PRKN: variants seen among roughly 807,000 people sequenced by gnomAD.
PRKN encodes parkin RBR E3 ubiquitin protein ligase.
Under a neutral mutation model 59.5 loss-of-function variants are expected in PRKN, and 56 were observed. The observed-to-expected ratio is 0.94, with a 90% CI of 0.76 to 1.18. The LOEUF (loss-of-function observed/expected upper bound fraction) is 1.18. PRKN is among the 50% of genes most tolerant of loss of function. The pLI is 0.00. For missense variants in PRKN, 657 were observed against 596.4 expected, an observed-to-expected ratio of 1.10 and a Z score of -1.06; for synonymous variants, 250 against 222.1, an observed-to-expected ratio of 1.13 and a Z score of -1.12.
intron 2 of PRKN, among the ~76,000 whole-genome samples, chr6:162,327,367 G>T (rs1223281365): frequency 2.6e-5 from 4 of 151,544 alleles, no homozygotes; most frequent in Non-Finnish European, 5.9e-5. Context: ...TTTGTTTTTT[G>T]AAAAAAGACA....
intron 1 of PRKN, among the ~76,000 whole-genome samples, chr6:162,450,835 A>C (rs1460680060): frequency 6.6e-6 from 1 of 152,164 alleles, no homozygotes; most frequent in African/African-American, 2.4e-5. Flanking sequence ...ATTCGGTAAA[A>C]CTAAGAATAT....
intron 9 of PRKN, among the ~76,000 whole-genome samples, chr6:161,510,565 G>C (rs1020440206): frequency 6.6e-6 from 1 of 152,190 alleles, no homozygotes; most frequent in African/African-American, 2.4e-5. Context: ...CCTTACAAAG[G>C]TTGGTCTAGG....
At position 161,492,140 on chromosome 6, in the gene PRKN, C is replaced by T. The variant is rs564323508; in HGVS notation, c.1083+56714G>A. On this transcript the variant is annotated intron_variant, in intron 9 of 11. Transcript: ENST00000366898. ...AAATATCACTCTATAAGTGAAAGCA[C>T]TTTGTTAAGACCTAAATCAATGTTA... Among the ~76,000 whole-genome samples the T allele has an allele frequency of 1.0e-4, 12 of 118,824 alleles. No individual in the cohort carries two copies. In the South Asian group the frequency reaches 3.6e-3, roughly 36 times the overall value. The allele number at this position is 118,824 out of a possible 152,430, so 78.0% of individuals were successfully genotyped here.
Position 161,451,515 on chromosome 6 carries a change from T to C in PRKN, c.1084-64638A>G, listed in dbSNP as rs6941589. ...GGATACCACCTGCCCACGGCCCACC[T>C]GAGGGAACCTGCTGCCCACAGCCTC... On this transcript the variant is annotated intron_variant, in intron 9 of 11. Coordinates refer to ENST00000366898, the MANE Select transcript of PRKN (RefSeq NM_004562.3). The surrounding 1 kb of genome is among the most constrained non-coding windows in gnomAD (Gnocchi z 5.9). Among the ~76,000 whole-genome samples, 12,083 of 152,218 alleles carry C rather than the reference T, an allele frequency of 0.079. 764 individuals carry two copies. Among genetic ancestry groups the C allele is most frequent in the African/African-American group, 0.18 (7,342 of 41,510 alleles).
intron 1 of PRKN, among the ~76,000 whole-genome samples, chr6:162,643,472 T>A (rs772236465): frequency 2.0e-5 from 3 of 151,114 alleles, no homozygotes; most frequent in Non-Finnish European, 4.4e-5. Context: ...AAATGAGCTG[T>A]CACATTTTAA....
chr6:161,670,616 C>T (rs1784873500), intron 7 of PRKN, among the ~76,000 whole-genome samples: 1 of 152,166 alleles, frequency 6.6e-6, no homozygotes, highest in South Asian at 2.1e-4. Context: ...GAGATCGAGA[C>T]CATCCTGGCT....
intron 7 of PRKN, among the ~76,000 whole-genome samples, chr6:161,577,548 T>C (rs117383758): frequency 0.027 from 4,163 of 152,326 alleles, 71 homozygotes; most frequent in Non-Finnish European, 0.039. Context: ...CTGAGTAGTA[T>C]AGCATGAAAC....
chr6:161,626,906 C>T (rs6914170), intron 7 of PRKN, among the ~76,000 whole-genome samples: 47,901 of 151,732 alleles, frequency 0.32, 8,126 homozygotes, highest in African/African-American at 0.44. Context: ...TGCTCGCAGA[C>T]GATTAAAGGC....
At chr6:161,832,412 T>C (rs1792539632) in intron 6 of PRKN, among the ~76,000 whole-genome samples, 1 of 151,860 alleles carries the variant, frequency 6.6e-6, no homozygotes, top group African/African-American at 2.4e-5. Context: ...GATTCTGAGG[T>C]CAGGAGATCG....
At chr6:161,903,818 T>C (rs1050525411) in intron 6 of PRKN, among the ~76,000 whole-genome samples, 6 of 150,686 alleles carry the variant, frequency 4.0e-5, no homozygotes, top group Admixed American at 6.6e-5. Context: ...TTTTTTTTAA[T>C]GGTCCCTTTT....
intron 6 of PRKN, among the ~76,000 whole-genome samples, chr6:161,858,854 T>C (rs1278913350): frequency 7.1e-6 from 1 of 140,326 alleles, no homozygotes; most frequent in Non-Finnish European, 1.5e-5. Context: ...CTAGCACAGC[T>C]GTACTTTTTT....
intron 6 of PRKN, among the ~76,000 whole-genome samples, chr6:161,898,590 G>A (rs532869380): frequency 6.6e-6 from 1 of 152,286 alleles, no homozygotes; most frequent in Admixed American, 6.5e-5. Context: ...ATTACTAAAT[G>A]GATGTTTTCA....
chr6:161,778,433 C>A (rs1345566559), intron 7 of PRKN, among the ~76,000 whole-genome samples: 1 of 152,154 alleles, frequency 6.6e-6, no homozygotes, highest in Non-Finnish European at 1.5e-5. Flanking sequence ...GAACCGATGG[C>A]TTTAGGGATA....
In PRKN at chr6:162,418,065, T is replaced by C. The variant is rs375267744; in HGVS notation, c.171+25245A>G. Among the ~76,000 whole-genome samples the C allele has an allele frequency of 5.4e-4, 82 of 152,310 alleles. 3 individuals carry two copies. In the South Asian group the frequency reaches 0.016, roughly 30 times the overall value. On this transcript the variant is annotated intron_variant, in intron 2 of 11. Transcript: ENST00000366898. ...ACAAAAGCCTGCACACAAATATTCA[T>C]GGTAGCATCATTCACGATACTCAAC...
At chr6:162,006,516 T>TTTTAATTAATTAG (rs1782260990) in intron 5 of PRKN, among the ~76,000 whole-genome samples, 1 of 152,182 alleles carries the variant, frequency 6.6e-6, no homozygotes, top group Non-Finnish European at 1.5e-5. Flanking sequence ...AATCCAGATT[T>TTTTAATTAATTAG]CTTGCCATGG....
chr6:162,116,580 C>A (rs1239121441), intron 4 of PRKN, among the ~76,000 whole-genome samples: 1 of 152,154 alleles, frequency 6.6e-6, no homozygotes. Context: ...TACATTAGAT[C>A]CTGTATACGT....
chr6:162,603,935 G>C (rs748883096), intron 1 of PRKN, among the ~76,000 whole-genome samples: 4 of 152,134 alleles, frequency 2.6e-5, no homozygotes, highest in Non-Finnish European at 5.9e-5. Context: ...GGAGTTTCAT[G>C]AGGCATTTAA....
chr6:162,214,824 A>G (rs1777567631), intron 3 of PRKN, among the ~76,000 whole-genome samples: 1 of 152,208 alleles, frequency 6.6e-6, no homozygotes, highest in Admixed American at 6.5e-5. Flanking sequence ...AAAAATTTTT[A>G]CATGTGTTCA....
intron 4 of PRKN, among the ~76,000 whole-genome samples, chr6:162,158,433 T>C (rs1271602548): frequency 7.1e-6 from 1 of 140,888 alleles, no homozygotes; most frequent in Non-Finnish European, 1.6e-5. Flanking sequence ...TTTTTTTTTT[T>C]CTTTTGGTTT....
Sources: allele counts gnomAD v4.1 joint callset (sites outside exome capture counted in the v4.1 genomes callset), GRCh38; gene constraint gnomAD v4.1.1; non-coding constraint Gnocchi (gnomAD v3.1); transcripts MANE v1.5; gene names NCBI Gene and HGNC (gene_info 2026-07-23, HGNC 2026-07-21).